Variants in POMP observed in about 807,000 individuals in gnomAD.
POMP encodes the protein 2510048O06Rik.
Under a neutral mutation model 20.6 loss-of-function variants are expected in POMP, and 12 were observed. The observed-to-expected ratio is 0.58, with a 90% CI of 0.37 to 0.94. The LOEUF (loss-of-function observed/expected upper bound fraction) is 0.94, where lower values mean the gene tolerates loss of function less well. Among genes scored for constraint, POMP ranks in the 40% least tolerant of loss-of-function variants. The pLI, the probability that POMP is intolerant of heterozygous loss-of-function variation, is 0.01. For synonymous variants in POMP, 53 were observed against 55.0 expected, an observed-to-expected ratio of 0.96 and a Z score of 0.16; for missense variants, 136 against 161.1, an observed-to-expected ratio of 0.84 and a Z score of 0.84.
At chr13:28,663,512 G>A (rs1884385594) in intron 2 of POMP, among the ~76,000 whole-genome samples, 2 of 152,108 alleles carry the variant, frequency 1.3e-5, no homozygotes, top group South Asian at 4.1e-4. Flanking sequence ...GTTTCTCTGT[G>A]TTGGTCAGGC....
intron 5 of POMP, among the ~76,000 whole-genome samples, chr13:28,673,837 T>G (rs1437838791): frequency 6.6e-6 from 1 of 152,246 alleles, no homozygotes; most frequent in African/African-American, 2.4e-5. Context: ...CAGTCAAATA[T>G]GTGTCAGGCA....
intron 1 of POMP, among the ~76,000 whole-genome samples, chr13:28,660,623 G>A (rs1303417464): frequency 6.6e-6 from 1 of 152,206 alleles, no homozygotes; most frequent in East Asian, 1.9e-4. Context: ...GTGCAGATGA[G>A]TAAACAAGGC....
intron 4 of POMP, among the ~76,000 whole-genome samples, chr13:28,669,962 G>C (rs138504821): frequency 6.6e-6 from 1 of 152,020 alleles, no homozygotes; most frequent in East Asian, 1.9e-4. Flanking sequence ...TACAACAAAT[G>C]TGCCAGCCGT....
intron 1 of POMP, among the ~76,000 whole-genome samples, chr13:28,661,838 ATTTCTGTG>A: frequency 6.6e-6 from 1 of 151,710 alleles, no homozygotes; most frequent in Non-Finnish European, 1.5e-5. Flanking sequence ...TGTTAATCCC[ATTTCTGTG>A]TTGTTTTTCC....
chr13:28,667,297 C>T (rs1377336607), intron 3 of POMP, among the ~76,000 whole-genome samples: 79 of 152,176 alleles, frequency 5.2e-4, no homozygotes, highest in African/African-American at 9.6e-5. Context: ...GAGGCTGAGG[C>T]GGGGGATTGC....
intron 1 of POMP, among the ~76,000 whole-genome samples, chr13:28,661,046 C>A (rs773554950): frequency 6.6e-6 from 1 of 152,152 alleles, no homozygotes; most frequent in African/African-American, 2.4e-5. Context: ...AGTTAAAAAG[C>A]TGACTTCTCA....
intron 3 of POMP, among the ~76,000 whole-genome samples, chr13:28,668,066 A>G (rs531122720): frequency 1.8e-4 from 28 of 152,228 alleles, no homozygotes; most frequent in Non-Finnish European, 3.5e-4. Context: ...ATCCTTTTAA[A>G]TATATGCCTT....
chr13:28,661,532 G>A (rs757037620), intron 1 of POMP, among the ~76,000 whole-genome samples: 1 of 152,122 alleles, frequency 6.6e-6, no homozygotes, highest in African/African-American at 2.4e-5. Flanking sequence ...TTCTTTGCTT[G>A]TTTAATATAT....
At chr13:28,659,901 A>G (rs960012863) in intron 1 of POMP, 1 of 152,228 alleles carries the variant, frequency 6.6e-6, no homozygotes, top group Admixed American at 6.5e-5. Flanking sequence ...ATCCATCCAA[A>G]TCTAGAAAGT....
At chr13:28,667,939 G>A (rs1276822238) in intron 3 of POMP, among the ~76,000 whole-genome samples, 1 of 152,146 alleles carries the variant, frequency 6.6e-6, no homozygotes, top group Non-Finnish European at 1.5e-5. Context: ...AATACAAATT[G>A]AATAAACTTT....
chr13:28,667,269 G>A (rs1021205810), intron 3 of POMP, among the ~76,000 whole-genome samples: 1 of 152,172 alleles, frequency 6.6e-6, no homozygotes, highest in Non-Finnish European at 1.5e-5. Flanking sequence ...GGGTGTGCCT[G>A]TAGTCCCAGC....
At chr13:28,676,416 A>G (rs1884629879) in intron 5 of POMP, among the ~76,000 whole-genome samples, 1 of 152,198 alleles carries the variant, frequency 6.6e-6, no homozygotes, top group African/African-American at 2.4e-5. Context: ...AATTCTTTAC[A>G]TAACACTTAT....
In POMP at chr13:28,664,373, C is replaced by T. The variant is rs931158170; in HGVS notation, c.102-136C>T. 5 of 591,864 alleles carry T rather than the reference C, an allele frequency of 8.4e-6. No homozygotes were observed. The African/African-American group carries it at 9.4e-5, about 11-fold the overall frequency. 36.7% of individuals were successfully genotyped at this position (591,864 alleles called of 1,614,324 possible). A position where few individuals can be genotyped will look rare whatever the true frequency, so the allele number is the denominator to read the frequency against. On this transcript the variant is annotated intron_variant, in intron 2 of 5. Coordinates refer to ENST00000380842, the MANE Select transcript of POMP (RefSeq NM_015932.6). ...ATGTATCAATTCCTATGACTGTCAC[C>T]ACAGTCAAGATACAGAACAGTTTTG...
chr13:28,670,534 T>G (rs565585160), intron 4 of POMP, among the ~76,000 whole-genome samples: 1 of 152,326 alleles, frequency 6.6e-6, no homozygotes, highest in East Asian at 1.9e-4. Context: ...GATTTGATTA[T>G]GTCATTCCCC....
Position 28,669,825 on chromosome 13 carries a change from A to G in POMP, c.264+1251A>G, listed in dbSNP as rs138476383. ...TATCAATTATATGTTGATGATTCCA[A>G]CTGGGCGTGGTGCCTCACACCTGTA... On this transcript the variant is annotated intron_variant, in intron 4 of 5. Coordinates refer to ENST00000380842, the MANE Select transcript of POMP (RefSeq NM_015932.6). 1.1e-4 allele frequency among the ~76,000 whole-genome samples: 17 copies of G among 152,110 alleles called. No homozygotes were observed. The East Asian group carries it at 1.4e-3, about 12-fold the overall frequency.
In POMP at chr13:28,659,151, C is replaced by G. The variant is rs993190902; in HGVS notation, c.-34C>G. The G allele has an allele frequency of 2.5e-6, 4 of 1,578,182 alleles. No individual in the cohort carries two copies. The highest frequency in any genetic ancestry group is 2.7e-5 in the African/African-American group (2 of 73,892). ...GAGCGGCGGGGTCGACTGACGGTAACGGGGCAGAGAGGCTGTTCGCAGAGC... is the reference window on the plus strand; with the variant it reads ...GAGCGGCGGGGTCGACTGACGGTAAGGGGGCAGAGAGGCTGTTCGCAGAGC... On this transcript the variant is annotated 5_prime_UTR_variant, in exon 1 of 6. Transcript: ENST00000380842.
chr13:28,664,513 T>G lies in POMP; in HGVS notation c.106T>G (p.Ser36Ala). 28 of 1,580,514 alleles carry G rather than the reference T, an allele frequency of 1.8e-5. No homozygotes were observed. The highest frequency in any genetic ancestry group is 2.4e-5 in the Non-Finnish European group (28 of 1,151,194). ...ESHDLLRKGF[S>A]CVKNELLPSH... is the part of the protein sequence containing the mutation. ...TTTTTTTTAATGTCCTTTCAGTTTT[T>G]CTTGTGTGAAAAATGAACTTTTGCC... The change falls in exon 3 of 6, where the codon TCT becomes GCT. Residue 36 changes from serine (S) to alanine (A), a missense_variant. By Grantham distance (99) the Ser-to-Ala change is moderately conservative. Transcript: ENST00000380842.
intron 5 of POMP, 31 bp from the exon 6 acceptor site, chr13:28,678,004 T>C: frequency 1.2e-6 from 2 of 1,602,684 alleles, no homozygotes; most frequent in South Asian, 2.2e-5. Context: ...TTTGAGAGTC[T>C]TTTAAAATGT....
chr13:28,673,824 A>C (rs1048215911), intron 5 of POMP, among the ~76,000 whole-genome samples: 3 of 152,242 alleles, frequency 2.0e-5, no homozygotes, highest in African/African-American at 7.2e-5. Context: ...GCATTTATCT[A>C]GTCAGTCAAA....
Sources: allele counts gnomAD v4.1 joint callset (sites outside exome capture counted in the v4.1 genomes callset), GRCh38; gene constraint gnomAD v4.1.1; transcripts MANE v1.5; gene names NCBI Gene and HGNC (gene_info 2026-07-23, HGNC 2026-07-21).